Variants in TBCD observed in about 807,000 individuals in gnomAD.
TBCD encodes tubulin folding cofactor D.
A neutral mutation model predicts 169.3 loss-of-function variants in TBCD; 105 were observed. That is an observed-to-expected ratio of 0.62 (90% CI 0.53 to 0.73). The LOEUF (loss-of-function observed/expected upper bound fraction) is 0.73. TBCD is among the 30% of genes least tolerant of loss of function. The probability of loss-of-function intolerance (pLI) is 0.00; values close to 1 mark genes in which losing one functional copy is unlikely to be tolerated. For missense variants in TBCD, 1,444 were observed against 1,600.1 expected, an observed-to-expected ratio of 0.90 and a Z score of 1.66; for synonymous variants, 700 against 643.9, an observed-to-expected ratio of 1.09 and a Z score of -1.32.
At chr17:82,839,139 G>C (rs1323127467) in intron 13 of TBCD, among the ~76,000 whole-genome samples, 1 of 152,182 alleles carries the variant, frequency 6.6e-6, no homozygotes, top group African/African-American at 2.4e-5. Context: ...GTAAGCTTAT[G>C]TACTTATTTT....
intron 13 of TBCD, among the ~76,000 whole-genome samples, chr17:82,845,045 C>G (rs1320561234): frequency 1.3e-5 from 2 of 151,932 alleles, no homozygotes; most frequent in Non-Finnish European, 2.9e-5. Flanking sequence ...GGTGGCTGCT[C>G]TTGGGGGTAA....
Position 82,923,033 on chromosome 17 carries a change from G to A in TBCD, c.2179-619G>A, listed in dbSNP as rs1232673896. On this transcript the variant is annotated intron_variant, in intron 25 of 38. Transcript: ENST00000355528. This position sits in a 1 kb window ranked among gnomAD's most constrained non-coding sequence, Gnocchi z 4.6. ...GTGGCCTTGGGATGGGTTCCCGGGG[G>A]TCTCCTGCTGTCCGGCCCCAACTCC... Among the ~76,000 whole-genome samples the A allele has an allele frequency of 1.3e-5, 2 of 152,168 alleles. No homozygotes were observed. The highest frequency in any genetic ancestry group is 2.4e-5 in the African/African-American group (1 of 41,440).
intron 6 of TBCD, among the ~76,000 whole-genome samples, chr17:82,775,378 C>A (rs1232026692): frequency 6.6e-6 from 1 of 152,176 alleles, no homozygotes; most frequent in African/African-American, 2.4e-5. Flanking sequence ...CCCTCGACAC[C>A]TCCCAGACTC....
intron 26 of TBCD, 62 bp from the exon 27 acceptor site, chr17:82,924,877 G>A (rs914633261): frequency 2.2e-6 from 3 of 1,351,648 alleles, no homozygotes; most frequent in Non-Finnish European, 3.1e-6. Context: ...GGCACACGTC[G>A]GGTGTGGCTG....
chr17:82,849,197 G>A (rs1188332080), intron 13 of TBCD, among the ~76,000 whole-genome samples: 1 of 110,392 alleles, frequency 9.1e-6, no homozygotes, highest in Non-Finnish European at 1.7e-5. Flanking sequence ...TTCTCACCTC[G>A]ATGTCCCCCT....
chr17:82,765,531 G>A (rs1237409134), intron 3 of TBCD, among the ~76,000 whole-genome samples: 3 of 152,240 alleles, frequency 2.0e-5, no homozygotes, highest in Non-Finnish European at 2.9e-5. Context: ...GGGGTTCGTA[G>A]TGGCGAGGCG....
chr17:82,866,695 A>C (rs929156015), intron 13 of TBCD, among the ~76,000 whole-genome samples: 2 of 144,844 alleles, frequency 1.4e-5, no homozygotes, highest in Non-Finnish European at 2.9e-5. Flanking sequence ...ACCTGGGCAG[A>C]GGCCCCAGAG....
In TBCD at chr17:82,847,179, G is replaced by A. The variant is rs189581671; in HGVS notation, c.1319-23045G>A. Reference sequence around the variant, plus strand: ...ATCTTGTCTAACACAGTGAAACCCCGTCTCTACTAAAAATACACAAAAAAT... The same window carrying A: ...ATCTTGTCTAACACAGTGAAACCCCATCTCTACTAAAAATACACAAAAAAT... On this transcript the variant is annotated intron_variant, in intron 13 of 38. Transcript: ENST00000355528. 3.5e-4 allele frequency among the ~76,000 whole-genome samples: 53 copies of A among 151,840 alleles called. No individual in the cohort carries two copies. In the East Asian group the frequency reaches 5.8e-3, roughly 17 times the overall value.
At chr17:82,796,802 A>C (rs2050139978) in intron 7 of TBCD, among the ~76,000 whole-genome samples, 1 of 152,224 alleles carries the variant, frequency 6.6e-6, no homozygotes, top group African/African-American at 2.4e-5. Flanking sequence ...CACTTAAGTA[A>C]GAGATCAGGC....
rs573289979 is a variant in TBCD, at chr17:82,763,557, A to G, written c.236-408A>G. 1.6e-3 allele frequency among the ~76,000 whole-genome samples: 249 copies of G among 152,246 alleles called. 1 individual carries two copies. The highest frequency in any genetic ancestry group is 3.1e-3 in the Admixed American group (47 of 15,288). On this transcript the variant is annotated intron_variant, in intron 2 of 38. Transcript: ENST00000355528. ...GGAGTTCGAGACCAGCCTGGCCAACATGGTGAAACCCCGTCTCTACTAAAA... is the reference window on the plus strand; with the variant it reads ...GGAGTTCGAGACCAGCCTGGCCAACGTGGTGAAACCCCGTCTCTACTAAAA...
At chr17:82,906,184 C>A in intron 20 of TBCD, 131 bp downstream of exon 20, 1 of 700,278 alleles carries the variant, frequency 1.4e-6, no homozygotes, top group Non-Finnish European at 2.4e-6. Flanking sequence ...GTGTCACAGT[C>A]GATAGGCCCC....
Position 82,831,873 on chromosome 17 carries a change from G to A in TBCD, c.1318+16939G>A, listed in dbSNP as rs780091597. The A allele has an allele frequency of 1.2e-6, 2 of 1,614,098 alleles. No homozygotes were observed. The highest frequency in any genetic ancestry group is 1.7e-6 in the Non-Finnish European group (2 of 1,180,046). On this transcript the variant is annotated intron_variant, in intron 13 of 38. Coordinates refer to ENST00000355528, the MANE Select transcript of TBCD (RefSeq NM_005993.5). The surrounding 1 kb of genome is among the most constrained non-coding windows in gnomAD (Gnocchi z 4.6). ...GAGTGTGGAAGGCCGACTTGGTGTG[G>A]AAAGACACGGCCTTGGCAGTGGGGT...
Position 82,926,388 on chromosome 17 carries a change from AT to A in TBCD, c.2380-10del. ...GCTTATGGTTCTTCTGTGATTCTTTATTGCTTTCCAGGTTCTCACAGGTTTA... is the reference window on the plus strand; with the variant it reads ...GCTTATGGTTCTTCTGTGATTCTTTATGCTTTCCAGGTTCTCACAGGTTTA... On this transcript the variant is annotated splice_polypyrimidine_tract_variant and intron_variant, in intron 27 of 38. Transcript: ENST00000355528. 6.2e-7 allele frequency: 1 copy of A among 1,613,030 alleles called. No homozygotes were observed. The highest frequency in any genetic ancestry group is 8.5e-7 in the Non-Finnish European group (1 of 1,179,106).
chr17:82,911,371 C>T (rs896990778), intron 22 of TBCD, among the ~76,000 whole-genome samples: 3 of 151,538 alleles, frequency 2.0e-5, no homozygotes, highest in African/African-American at 7.3e-5. Context: ...CCCGGAGCTC[C>T]GCCTAGCTTC....
At position 82,933,977 on chromosome 17, in the gene TBCD, C is replaced by T. The variant is rs1023100485; in HGVS notation, c.3191+1242C>T. ...TGCTGGTCTCCAGGGTTTTCTGCCCCTTTAAGGTCTCTGCTCCCTGGCGCT... is the reference window on the plus strand; with the variant it reads ...TGCTGGTCTCCAGGGTTTTCTGCCCTTTTAAGGTCTCTGCTCCCTGGCGCT... On this transcript the variant is annotated intron_variant, in intron 34 of 38. Coordinates refer to ENST00000355528, the MANE Select transcript of TBCD (RefSeq NM_005993.5). Among the ~76,000 whole-genome samples the T allele has an allele frequency of 2.0e-5, 3 of 152,236 alleles. No homozygotes were observed. The East Asian group carries it at 5.8e-4, about 29-fold the overall frequency.
At chr17:82,869,252 T>C (rs919738689) in intron 13 of TBCD, among the ~76,000 whole-genome samples, 2 of 152,232 alleles carry the variant, frequency 1.3e-5, no homozygotes, top group African/African-American at 2.4e-5. Context: ...CAGTAAAACT[T>C]TAGCTTCTTG....
intron 28 of TBCD, chr17:82,926,953 C>T: frequency 1.7e-6 from 1 of 598,870 alleles, no homozygotes; most frequent in Non-Finnish European, 2.9e-6. Flanking sequence ...GGACCAGCCG[C>T]AGGGGGCGTC....
rs547568129 is a variant in TBCD at position 82,815,549 on chromosome 17, C to T, written c.1318+615C>T. ...AGCATGGCAGATGCAGGGGCACTGC[C>T]CCAGACCAGCTCTTGTGCCGTGGCC... On this transcript the variant is annotated intron_variant, in intron 13 of 38. Transcript: ENST00000355528. Among the ~76,000 whole-genome samples, 21 of 152,344 alleles carry T rather than the reference C, an allele frequency of 1.4e-4. No homozygotes were observed. In the South Asian group the frequency reaches 1.4e-3, roughly 11 times the overall value.
intron 23 of TBCD, chr17:82,918,696 C>T (rs952063488): frequency 3.0e-4 from 46 of 152,158 alleles, no homozygotes; most frequent in African/African-American, 8.7e-4. Flanking sequence ...CGCTGAGCCC[C>T]GCGTGCCGTT....
Sources: allele counts gnomAD v4.1 joint callset (sites outside exome capture counted in the v4.1 genomes callset), GRCh38; gene constraint gnomAD v4.1.1; non-coding constraint Gnocchi (gnomAD v3.1); transcripts MANE v1.5; gene names NCBI Gene and HGNC (gene_info 2026-07-23, HGNC 2026-07-21).